The following IL15 variants were observed in gnomAD, a reference collection of about 807,000 sequenced individuals.
IL15 encodes interleukin-15.
In IL15, 11 loss-of-function variants were observed where a neutral mutation model predicts 19.6. The observed-to-expected ratio is 0.56, with a 90% CI of 0.35 to 0.93. The LOEUF (loss-of-function observed/expected upper bound fraction) is 0.93, where lower values mean the gene tolerates loss of function less well. Ranked by LOEUF, IL15 falls within the 40% of genes least tolerant of loss-of-function variation. The pLI, the probability that IL15 is intolerant of heterozygous loss-of-function variation, is 0.01. For synonymous variants in IL15, 58 were observed against 59.6 expected, an observed-to-expected ratio of 0.97 and a Z score of 0.12; for missense variants, 197 against 186.5, an observed-to-expected ratio of 1.06 and a Z score of -0.33.
At chr4:141,699,293 G>T (rs1352804852) in intron 2 of IL15, among the ~76,000 whole-genome samples, 2 of 152,156 alleles carry the variant, frequency 1.3e-5, no homozygotes, top group East Asian at 3.8e-4. Flanking sequence ...TGAGAAGAAT[G>T]TATATTCTGT....
chr4:141,709,289 A>G (rs543014026), intron 2 of IL15, among the ~76,000 whole-genome samples: 3 of 152,102 alleles, frequency 2.0e-5, no homozygotes, highest in Admixed American at 6.6e-5. Context: ...AATATTCTGT[A>G]TGTTTATTTT....
chr4:141,678,475 T>A (rs1728425713), intron 2 of IL15, among the ~76,000 whole-genome samples: 1 of 151,408 alleles, frequency 6.6e-6, no homozygotes, highest in Non-Finnish European at 1.5e-5. Context: ...ACAAAGTCAA[T>A]CAAGAGAAAT....
At chr4:141,660,039 G>A (rs572761210) in intron 2 of IL15, among the ~76,000 whole-genome samples, 2 of 152,248 alleles carry the variant, frequency 1.3e-5, no homozygotes, top group East Asian at 3.9e-4. Flanking sequence ...GCAAGTAAGT[G>A]TAATTTGTTC....
intron 2 of IL15, among the ~76,000 whole-genome samples, chr4:141,667,986 T>C (rs897713960): frequency 6.6e-6 from 1 of 152,234 alleles, no homozygotes; most frequent in Non-Finnish European, 1.5e-5. Context: ...CTTAACCTTT[T>C]CATGGGACAT....
chr4:141,705,320 A>G (rs911089959), intron 2 of IL15, among the ~76,000 whole-genome samples: 1 of 151,444 alleles, frequency 6.6e-6, no homozygotes, highest in Non-Finnish European at 1.5e-5. Context: ...TTTCACTTTT[A>G]CTTCCCTCAT....
chr4:141,682,808 A>T (rs532488169), intron 2 of IL15, among the ~76,000 whole-genome samples: 143 of 152,216 alleles, frequency 9.4e-4, no homozygotes, highest in African/African-American at 2.9e-3. Flanking sequence ...TACAAAAAAA[A>T]TTAGCCGGGT....
At chr4:141,637,586 A>G (rs539002061) in intron 1 of IL15, among the ~76,000 whole-genome samples, 1 of 152,306 alleles carries the variant, frequency 6.6e-6, no homozygotes, top group East Asian at 1.9e-4. Flanking sequence ...TTAAGACCGC[A>G]TGTAGCAAGG....
chr4:141,637,924 C>A (rs1018857450), intron 1 of IL15, among the ~76,000 whole-genome samples: 1 of 152,074 alleles, frequency 6.6e-6, no homozygotes, highest in African/African-American at 2.4e-5. Flanking sequence ...ATGCATCCTG[C>A]CATGTAGAGG....
At chr4:141,666,742 T>C (rs1294880374) in intron 2 of IL15, among the ~76,000 whole-genome samples, 1 of 152,020 alleles carries the variant, frequency 6.6e-6, no homozygotes, top group Non-Finnish European at 1.5e-5. Flanking sequence ...CCCCTTTGTG[T>C]CTTGGAGCTG....
rs1014417423 is a variant in IL15 at position 141,688,522 on chromosome 4, A to G, written c.-99-30844A>G. On this transcript the variant is annotated intron_variant, in intron 2 of 7. Coordinates refer to ENST00000320650, the MANE Select transcript of IL15 (RefSeq NM_000585.5). The stretch of plus-strand genomic sequence containing the variant: ...TGCTGTATGTTAGCTGTGACCAATA[A>G]CCTGAAGCAATTAGAAGCCTTTCAC... Among the ~76,000 whole-genome samples the G allele has an allele frequency of 7.9e-5, 12 of 152,300 alleles. 1 individual carries two copies. Among genetic ancestry groups the G allele is most frequent in the Admixed American group, 5.2e-4 (8 of 15,300 alleles).
chr4:141,732,545 G>A (rs943742385), intron 7 of IL15, among the ~76,000 whole-genome samples, 193 bp from the exon 8 acceptor site: 6 of 152,078 alleles, frequency 3.9e-5, no homozygotes, highest in African/African-American at 1.4e-4. Context: ...ACCCATTATT[G>A]GAAAAATAAA....
At chr4:141,658,202 G>A (rs1316438351) in intron 2 of IL15, among the ~76,000 whole-genome samples, 1 of 152,120 alleles carries the variant, frequency 6.6e-6, no homozygotes, top group African/African-American at 2.4e-5. Flanking sequence ...TTTTCCTCCT[G>A]CTCTGGCCAT....
chr4:141,724,728 C>T (rs1730201859), intron 5 of IL15, among the ~76,000 whole-genome samples: 1 of 152,042 alleles, frequency 6.6e-6, no homozygotes, highest in Non-Finnish European at 1.5e-5. Context: ...TCAGAAACCA[C>T]AAACTACCAA....
intron 2 of IL15, among the ~76,000 whole-genome samples, chr4:141,685,106 C>G (rs533848116): frequency 2.0e-5 from 3 of 152,202 alleles, no homozygotes; most frequent in Admixed American, 2.0e-4. Context: ...CTGTCATGTA[C>G]GTTGCGATGT....
chr4:141,705,929 ATCT>A (rs1418931703), intron 2 of IL15, among the ~76,000 whole-genome samples: 2 of 151,740 alleles, frequency 1.3e-5, no homozygotes, highest in Admixed American at 6.6e-5. Context: ...TGCATGGAAT[ATCT>A]TCTTCTATCC....
chr4:141,698,987 A>C (rs1729193559), intron 2 of IL15, among the ~76,000 whole-genome samples: 2 of 152,054 alleles, frequency 1.3e-5, no homozygotes, highest in African/African-American at 2.4e-5. Flanking sequence ...TCTTCTTAGC[A>C]CTGCTTTTGC....
intron 2 of IL15, among the ~76,000 whole-genome samples, chr4:141,700,482 G>T (rs1729247626): frequency 6.6e-6 from 1 of 152,190 alleles, no homozygotes; most frequent in South Asian, 2.1e-4. Context: ...GGTTTCTGAT[G>T]AGAGATCTGC....
chr4:141,643,022 A>G (rs1405011967), intron 1 of IL15, among the ~76,000 whole-genome samples: 1 of 152,192 alleles, frequency 6.6e-6, no homozygotes, highest in Non-Finnish European at 1.5e-5. Context: ...TAGCAAAACA[A>G]TGTTGGAATA....
At chr4:141,712,291 C>G (rs1729738738) in intron 2 of IL15, among the ~76,000 whole-genome samples, 1 of 152,078 alleles carries the variant, frequency 6.6e-6, no homozygotes, top group Non-Finnish European at 1.5e-5. Flanking sequence ...ACTAGAGGAA[C>G]AGATATCATT....
Sources: allele counts gnomAD v4.1 joint callset (sites outside exome capture counted in the v4.1 genomes callset), GRCh38; gene constraint gnomAD v4.1.1; transcripts MANE v1.5; gene names NCBI Gene and HGNC (gene_info 2026-07-23, HGNC 2026-07-21).